The following KCNT2 variants were observed in gnomAD, a reference collection of about 807,000 sequenced individuals.
KCNT2 encodes potassium channel subfamily T member 2.
KCNT2 carries 67 observed loss-of-function variants against 153.8 expected under a neutral mutation model. The ratio of observed to expected loss-of-function variants is 0.44; its 90% CI spans 0.36 to 0.53. The LOEUF (loss-of-function observed/expected upper bound fraction) is 0.53, where lower values mean the gene tolerates loss of function less well. KCNT2 is among the 20% of genes least tolerant of loss of function. The pLI is 0.00. For missense variants in KCNT2, 975 were observed against 1,354.8 expected, an observed-to-expected ratio of 0.72 and a Z score of 4.40; for synonymous variants, 500 against 458.8, an observed-to-expected ratio of 1.09 and a Z score of -1.15.
intron 25 of KCNT2, among the ~76,000 whole-genome samples, chr1:196,261,508 C>T (rs1037349854): frequency 7.9e-5 from 12 of 151,286 alleles, no homozygotes; most frequent in African/African-American, 2.9e-4. Context: ...TATAAAAGGA[C>T]AGTAAAAGGA....
chr1:196,387,539 A>T (rs755030488), intron 13 of KCNT2, among the ~76,000 whole-genome samples: 5 of 151,716 alleles, frequency 3.3e-5, no homozygotes, highest in Admixed American at 2.6e-4. Context: ...CATCTTTCCC[A>T]CTAGAATGTA....
chr1:196,552,413 A>G (rs534143434), intron 1 of KCNT2, among the ~76,000 whole-genome samples: 5 of 151,452 alleles, frequency 3.3e-5, no homozygotes, highest in African/African-American at 4.8e-5. Context: ...AGAATAATGT[A>G]TCTGGCAAAA....
chr1:196,438,366 A>T (rs532892146), intron 8 of KCNT2, among the ~76,000 whole-genome samples: 3 of 151,974 alleles, frequency 2.0e-5, no homozygotes, highest in Non-Finnish European at 4.4e-5. Flanking sequence ...ATTCACTAAC[A>T]AGTTTATTAG....
chr1:196,429,149 T>G (rs1233224815), intron 9 of KCNT2, among the ~76,000 whole-genome samples: 1 of 152,018 alleles, frequency 6.6e-6, no homozygotes, highest in Non-Finnish European at 1.5e-5. Context: ...GGCCCAGATT[T>G]TATTTGACAA....
At chr1:196,605,824 A>C (rs1665255460) in intron 1 of KCNT2, among the ~76,000 whole-genome samples, 1 of 152,204 alleles carries the variant, frequency 6.6e-6, no homozygotes, top group South Asian at 2.1e-4. Context: ...ATCAGAAGTG[A>C]AGAAGGGAAC....
At chr1:196,504,704 G>A (rs1207879764) in intron 1 of KCNT2, among the ~76,000 whole-genome samples, 2 of 152,192 alleles carry the variant, frequency 1.3e-5, no homozygotes, top group African/African-American at 4.8e-5. Flanking sequence ...CCCACCAACA[G>A]TGTAAAAGTG....
chr1:196,497,350 A>G (rs1680336114), intron 1 of KCNT2, among the ~76,000 whole-genome samples: 1 of 152,044 alleles, frequency 6.6e-6, no homozygotes, highest in African/African-American at 2.4e-5. Flanking sequence ...ACTAAGTGCT[A>G]TTTCCCTCCT....
intron 12 of KCNT2, among the ~76,000 whole-genome samples, chr1:196,420,206 G>A (rs1673086007): frequency 6.6e-6 from 1 of 151,770 alleles, no homozygotes; most frequent in African/African-American, 2.4e-5. Flanking sequence ...GGTTCACTGA[G>A]TGTCTTGTTT....
intron 14 of KCNT2, 82 bp from the exon 15 acceptor site, chr1:196,342,310 G>A: frequency 8.1e-7 from 1 of 1,237,116 alleles, no homozygotes; most frequent in Non-Finnish European, 1.1e-6. Flanking sequence ...TTATAGAACT[G>A]TTTCTCAACT....
At chr1:196,545,271 T>C (rs956928328) in intron 1 of KCNT2, among the ~76,000 whole-genome samples, 1 of 152,098 alleles carries the variant, frequency 6.6e-6, no homozygotes, top group African/African-American at 2.4e-5. Flanking sequence ...GATATAGTTA[T>C]AACATAATTA....
chr1:196,604,323 T>C (rs1665079466), intron 1 of KCNT2, among the ~76,000 whole-genome samples: 1 of 152,190 alleles, frequency 6.6e-6, no homozygotes, highest in Non-Finnish European at 1.5e-5. Context: ...TTCTTTTCCG[T>C]ATTTGTCCCA....
chr1:196,362,189 C>T (rs1667689558), intron 14 of KCNT2, among the ~76,000 whole-genome samples: 1 of 152,000 alleles, frequency 6.6e-6, no homozygotes, highest in African/African-American at 2.4e-5. Flanking sequence ...GAAACTTTCT[C>T]CTCCTCCCTC....
At chr1:196,399,457 C>T (rs1671231668) in intron 12 of KCNT2, among the ~76,000 whole-genome samples, 1 of 151,752 alleles carries the variant, frequency 6.6e-6, no homozygotes, top group South Asian at 2.1e-4. Flanking sequence ...TGTAATTACT[C>T]AATCACACTA....
At chr1:196,525,226 T>A (rs6674595) in intron 1 of KCNT2, among the ~76,000 whole-genome samples, 10,486 of 147,432 alleles carry the variant, frequency 0.071, 1,091 homozygotes, top group African/African-American at 0.23. Flanking sequence ...GTAAAGCAAA[T>A]AAAAAAAAAA....
At chr1:196,369,186 T>C (rs1668294546) in intron 14 of KCNT2, among the ~76,000 whole-genome samples, 1 of 152,128 alleles carries the variant, frequency 6.6e-6, no homozygotes, top group Admixed American at 6.6e-5. Context: ...AAAATTCTGA[T>C]AAAGCTGAAA....
chr1:196,475,123 T>G (rs1441454650), intron 5 of KCNT2, among the ~76,000 whole-genome samples: 7 of 152,216 alleles, frequency 4.6e-5, no homozygotes, highest in Admixed American at 4.6e-4. Flanking sequence ...TTTAAATATT[T>G]AATGTATACA....
intron 1 of KCNT2, among the ~76,000 whole-genome samples, chr1:196,513,031 T>C (rs557012384): frequency 1.3e-5 from 2 of 152,156 alleles, no homozygotes; most frequent in Non-Finnish European, 2.9e-5. Context: ...GGAGGTACTC[T>C]GATCTACCTG....
At chr1:196,559,994 T>C (rs1257765343) in intron 1 of KCNT2, among the ~76,000 whole-genome samples, 1 of 151,938 alleles carries the variant, frequency 6.6e-6, no homozygotes, top group Non-Finnish European at 1.5e-5. Flanking sequence ...TCCATTCAGA[T>C]GTTATTTGAT....
rs567291005 is a variant in KCNT2 at position 196,417,963 on chromosome 1, T to C, written c.1185+5087A>G. Among the ~76,000 whole-genome samples the C allele has an allele frequency of 3.3e-5, 5 of 152,298 alleles. No homozygotes were observed. The South Asian group carries it at 1.0e-3, about 32-fold the overall frequency. ...TATTCAGTGTGTCACTGAAATGTTA[T>C]GTGGTGCATGACTGTAGTTCGATAA... On this transcript the variant is annotated intron_variant, in intron 12 of 27. Transcript: ENST00000294725.
Sources: gnomAD v4.1 joint callset for allele counts (sites outside exome capture counted in the v4.1 genomes callset) on GRCh38, gnomAD v4.1.1 for gene constraint, MANE v1.5 for transcripts, NCBI Gene and HGNC (gene_info 2026-07-23, HGNC 2026-07-21) for gene names.